Variants in A4GALT observed in about 807,000 individuals in gnomAD.
A4GALT encodes the protein alpha 1,4-galactosyltransferase (P1PK blood group).
For missense variants in A4GALT, 512 were observed against 486.0 expected, an observed-to-expected ratio of 1.05 and a Z score of -0.50; for synonymous variants, 257 against 220.7, an observed-to-expected ratio of 1.16 and a Z score of -1.46.
At chr22:42,713,766 C>A (rs934341102) in intron 1 of A4GALT, among the ~76,000 whole-genome samples, 4 of 148,082 alleles carry the variant, frequency 2.7e-5, no homozygotes, top group African/African-American at 7.5e-5. Flanking sequence ...GAGCCAAGAC[C>A]GTGCCATTGC....
chr22:42,692,835 A>C lies in A4GALT; in HGVS notation c.*55T>G. The C allele has an allele frequency of 1.3e-6, 2 of 1,587,792 alleles. No individual in the cohort carries two copies. Among genetic ancestry groups the C allele is most frequent in the Non-Finnish European group, 1.7e-6 (2 of 1,170,804 alleles). On this transcript the variant is annotated 3_prime_UTR_variant, in exon 3 of 3. Coordinates refer to ENST00000642412, the MANE Select transcript of A4GALT (RefSeq NM_017436.7). This position sits in a 1 kb window ranked among gnomAD's most constrained non-coding sequence, Gnocchi z 4.6. ...GGCCCTCAATCTTGCCTCCCCGGGA[A>C]GGGCGGCCCAGTGCCCCATCAGGAG...
chr22:42,709,048 A>AATATATATATATATATAT (rs149743579), intron 1 of A4GALT, among the ~76,000 whole-genome samples: 1 of 131,196 alleles, frequency 7.6e-6, no homozygotes, highest in Non-Finnish European at 1.6e-5. Flanking sequence ...GGAAAATTTA[A>AATATATATATATATATAT]ATATATATAT....
In A4GALT at chr22:42,693,968, A is replaced by AC; in HGVS notation, c.-18dup. 6.4e-7 allele frequency: 1 copy of AC among 1,562,496 alleles called. No homozygotes were observed. Among genetic ancestry groups the AC allele is most frequent in the Non-Finnish European group, 8.7e-7 (1 of 1,154,406 alleles). On this transcript the variant is annotated 5_prime_UTR_variant, in exon 3 of 3. Coordinates refer to ENST00000642412, the MANE Select transcript of A4GALT (RefSeq NM_017436.7). The stretch of plus-strand genomic sequence containing the variant: ...CTTGGACATGGTATCCCCAGATCAG[A>AC]CCAGGAGCTTCCAGCAGGAACCGGC...
At chr22:42,710,508 CA>C (rs1272196453) in intron 1 of A4GALT, among the ~76,000 whole-genome samples, 1 of 152,032 alleles carries the variant, frequency 6.6e-6, no homozygotes, top group Non-Finnish European at 1.5e-5. Flanking sequence ...CCAGTCTGGA[CA>C]ACATGGTGAA....
chr22:42,713,871 C>G (rs917441221), intron 1 of A4GALT, among the ~76,000 whole-genome samples: 1 of 150,240 alleles, frequency 6.7e-6, no homozygotes, highest in Non-Finnish European at 1.5e-5. Context: ...GCTGACTGGG[C>G]GAGGTGGCTC....
At position 42,703,057 on chromosome 22, in the gene A4GALT, C is replaced by CTCTGTGTG. The variant is rs753250465; in HGVS notation, c.-187-7427_-187-7426insCACACAGA. ...GCCTTGGCTGGCACATGCTGCCCTG[C>CTCTGTGTG]TGTGTGTGTGTGTGTGTGTGTGTGT... is the stretch of plus-strand genomic sequence containing the variant. On this transcript the variant is annotated intron_variant, in intron 1 of 2. Transcript: ENST00000642412. 5.3e-3 allele frequency among the ~76,000 whole-genome samples: 707 copies of CTCTGTGTG among 134,414 alleles called. 39 individuals carry two copies. The highest frequency in any genetic ancestry group is 0.022 in the African/African-American group (678 of 31,028). The allele number at this position is 134,414 out of a possible 152,430, so 88.2% of individuals were successfully genotyped here.
chr22:42,701,847 GC>G (rs1931318152), intron 1 of A4GALT, among the ~76,000 whole-genome samples: 2 of 152,310 alleles, frequency 1.3e-5, no homozygotes, highest in Admixed American at 6.5e-5. Flanking sequence ...AATGAAGCCA[GC>G]CCTGAGGCAA....
chr22:42,713,267 C>G (rs1921852305), intron 1 of A4GALT, among the ~76,000 whole-genome samples: 1 of 152,184 alleles, frequency 6.6e-6, no homozygotes, highest in Non-Finnish European at 1.5e-5. Flanking sequence ...GTGCAGAAGA[C>G]CAAGTCAGGA....
At chr22:42,699,381 G>A (rs1034241332) in intron 1 of A4GALT, among the ~76,000 whole-genome samples, 10 of 152,150 alleles carry the variant, frequency 6.6e-5, no homozygotes, top group African/African-American at 9.7e-5. Flanking sequence ...CACTGCGCCC[G>A]GCTCCTTTAC....
intron 1 of A4GALT, among the ~76,000 whole-genome samples, chr22:42,711,661 T>C (rs1045557209): frequency 2.0e-5 from 3 of 152,132 alleles, no homozygotes; most frequent in Admixed American, 6.6e-5. Context: ...CACCCCCGAG[T>C]CTCGCTCTGT....
chr22:42,709,067 A>ATATATATTTTTTTTTTT (rs1180529043), intron 1 of A4GALT, among the ~76,000 whole-genome samples: 16 of 128,828 alleles, frequency 1.2e-4, no homozygotes, highest in African/African-American at 4.2e-4. Context: ...ATATATATAT[A>ATATATATTTTTTTTTTT]TTTTTTTTAA....
At chr22:42,717,447 C>G (rs932012227) in intron 1 of A4GALT, among the ~76,000 whole-genome samples, 2 of 152,186 alleles carry the variant, frequency 1.3e-5, no homozygotes, top group Non-Finnish European at 2.9e-5. Context: ...CCAACTCCCT[C>G]TGGGGAAGAT....
chr22:42,716,763 G>C (rs994908290), intron 1 of A4GALT, among the ~76,000 whole-genome samples: 3 of 152,168 alleles, frequency 2.0e-5, no homozygotes, highest in Non-Finnish European at 4.4e-5. Context: ...AGAGGGTCTG[G>C]TAAGGTCAGG....
intron 1 of A4GALT, among the ~76,000 whole-genome samples, chr22:42,704,933 C>T (rs1038645310): frequency 2.6e-5 from 4 of 151,952 alleles, no homozygotes; most frequent in African/African-American, 9.7e-5. Context: ...CCAGAAAAGG[C>T]CACTTCTAAA....
chr22:42,713,480 G>C (rs1031961885), intron 1 of A4GALT, among the ~76,000 whole-genome samples: 46 of 152,198 alleles, frequency 3.0e-4, no homozygotes, highest in Admixed American at 2.9e-3. Flanking sequence ...TGGCTTCATG[G>C]AGCTGACATT....
rs201063982 is a variant in A4GALT, at chr22:42,692,966, G to A, written c.986C>T (p.Thr329Met). 143 of 1,612,600 alleles carry A rather than the reference G, an allele frequency of 8.9e-5. No individual in the cohort carries two copies. In the South Asian group the frequency reaches 1.2e-3, roughly 14 times the overall value. ...CAGCTGGGCCAGCAGTGCCCTGGAC[G>A]TGGCCTCGAACCGCGTGCCCTGGCT... ...KKSQGTRFEA[T>M]SRALLAQLHA... The change falls in exon 3 of 3, where the codon ACG becomes ATG. Residue 329 changes from threonine (T) to methionine (M), a missense_variant. Coordinates refer to ENST00000642412, the MANE Select transcript of A4GALT (RefSeq NM_017436.7). The surrounding 1 kb of genome is among the most constrained non-coding windows in gnomAD (Gnocchi z 4.6).
chr22:42,707,429 T>G (rs7286214), intron 1 of A4GALT, among the ~76,000 whole-genome samples: 52,792 of 151,568 alleles, frequency 0.35, 10,252 homozygotes, highest in South Asian at 0.45. Context: ...GCCGAGGCAG[T>G]CGGATCAGTT....
intron 1 of A4GALT, among the ~76,000 whole-genome samples, chr22:42,711,895 T>C (rs764166810): frequency 6.6e-6 from 1 of 152,194 alleles, no homozygotes; most frequent in Non-Finnish European, 1.5e-5. Flanking sequence ...AGTGCTAGGA[T>C]CACAGGCGTG....
rs769448833 is a variant in A4GALT at position 42,692,783 on chromosome 22, G to A, written c.*107C>T. The A allele has an allele frequency of 1.3e-4, 182 of 1,348,506 alleles. No homozygotes were observed. Among genetic ancestry groups the A allele is most frequent in the Middle Eastern group, 1.8e-4 (1 of 5,564 alleles). The allele number at this position is 1,348,506 out of a possible 1,614,324, so 83.5% of individuals were successfully genotyped here. On this transcript the variant is annotated 3_prime_UTR_variant, in exon 3 of 3. Transcript: ENST00000642412. This position sits in a 1 kb window ranked among gnomAD's most constrained non-coding sequence, Gnocchi z 4.6. ...GCTCCTCAACAGCCTGCCTAAGCCC[G>A]GTGGCAGCTCGGGCCTCCCTCTCCC... is the stretch of plus-strand genomic sequence containing the variant.
Sources: allele counts gnomAD v4.1 joint callset (sites outside exome capture counted in the v4.1 genomes callset), GRCh38; gene constraint gnomAD v4.1.1; non-coding constraint Gnocchi (gnomAD v3.1); transcripts MANE v1.5; gene names NCBI Gene and HGNC (gene_info 2026-07-23, HGNC 2026-07-21).